Variants in BMP6 observed in about 807,000 individuals in gnomAD.
BMP6 encodes the protein bone morphogenetic protein 6.
Under a neutral mutation model 54.1 loss-of-function variants are expected in BMP6, and 17 were observed. That is an observed-to-expected ratio of 0.31 (90% CI 0.22 to 0.47). The LOEUF is 0.47. BMP6 is among the 20% of genes least tolerant of loss of function. The pLI is 1.00. For missense variants in BMP6, 720 were observed against 690.4 expected, an observed-to-expected ratio of 1.04 and a Z score of -0.48; for synonymous variants, 328 against 291.2, an observed-to-expected ratio of 1.13 and a Z score of -1.28.
At chr6:7,870,941 T>C (rs1759514562) in intron 4 of BMP6, among the ~76,000 whole-genome samples, 1 of 152,204 alleles carries the variant, frequency 6.6e-6, no homozygotes, top group Admixed American at 6.5e-5. Context: ...TCTTGGATCT[T>C]TAGAGTTCAT....
At chr6:7,747,434 G>T (rs919568541) in intron 1 of BMP6, among the ~76,000 whole-genome samples, 1 of 152,164 alleles carries the variant, frequency 6.6e-6, no homozygotes, top group Admixed American at 6.5e-5. Flanking sequence ...TGGAGGAAGG[G>T]GTCCCCAGGC....
intron 1 of BMP6, among the ~76,000 whole-genome samples, chr6:7,811,210 G>A (rs536899977): frequency 2.0e-5 from 3 of 152,330 alleles, no homozygotes; most frequent in East Asian, 3.9e-4. Flanking sequence ...GTCACAGGCT[G>A]CTGACACCTC....
intron 1 of BMP6, among the ~76,000 whole-genome samples, chr6:7,740,466 TA>T (rs1191754887): frequency 6.6e-6 from 1 of 152,140 alleles, no homozygotes; most frequent in Non-Finnish European, 1.5e-5. Context: ...AAACCCAAAA[TA>T]TGTTCAAAAT....
intron 1 of BMP6, among the ~76,000 whole-genome samples, chr6:7,825,480 G>A (rs1356746338): frequency 6.6e-6 from 1 of 152,058 alleles, no homozygotes; most frequent in Non-Finnish European, 1.5e-5. Context: ...CAGCACTTTG[G>A]GAGGCTGAGG....
intron 4 of BMP6, among the ~76,000 whole-genome samples, chr6:7,875,224 AAG>A (rs1759594410): frequency 6.6e-6 from 1 of 152,108 alleles, no homozygotes; most frequent in South Asian, 2.1e-4. Context: ...AGCTCGATAA[AAG>A]AGAATTTGCC....
At chr6:7,769,019 C>A (rs1035423589) in intron 1 of BMP6, among the ~76,000 whole-genome samples, 1 of 152,174 alleles carries the variant, frequency 6.6e-6, no homozygotes, top group African/African-American at 2.4e-5. Flanking sequence ...GCTTTACTGA[C>A]TAGATACAAC....
chr6:7,750,156 A>G lies in BMP6; in HGVS notation c.664+22537A>G, dbSNP rs754869878. Reference sequence around the variant, plus strand: ...ATCAACATTGAAACATTCAACGTCAACATTTGAGCGTGCTAGCTCAAACAT... The same window carrying G: ...ATCAACATTGAAACATTCAACGTCAGCATTTGAGCGTGCTAGCTCAAACAT... On this transcript the variant is annotated intron_variant, in intron 1 of 6. Transcript: ENST00000283147. Among the ~76,000 whole-genome samples the G allele has an allele frequency of 9.9e-5, 15 of 152,230 alleles. No individual in the cohort carries two copies. The East Asian group carries it at 1.2e-3, about 12-fold the overall frequency.
chr6:7,769,282 G>A (rs532064285), intron 1 of BMP6, among the ~76,000 whole-genome samples: 2 of 152,204 alleles, frequency 1.3e-5, no homozygotes, highest in African/African-American at 4.8e-5. Context: ...CCTGAGAATT[G>A]TTTCAGCCAG....
chr6:7,849,878 A>G (rs1749797274), intron 2 of BMP6, among the ~76,000 whole-genome samples: 1 of 152,158 alleles, frequency 6.6e-6, no homozygotes, highest in Non-Finnish European at 1.5e-5. Flanking sequence ...GTGTATGATA[A>G]CTTTTCTTCT....
chr6:7,805,743 A>G (rs1294961778), intron 1 of BMP6, among the ~76,000 whole-genome samples: 2 of 152,258 alleles, frequency 1.3e-5, no homozygotes, highest in Non-Finnish European at 2.9e-5. Flanking sequence ...AGAGCCATGT[A>G]AGGCAAAATA....
intron 4 of BMP6, 94 bp from the exon 5 acceptor site, chr6:7,878,978 GCA>G: frequency 1.6e-6 from 2 of 1,259,410 alleles, no homozygotes; most frequent in South Asian, 1.2e-5. Context: ...CCTGAGCCTA[GCA>G]CAGAGCCTGG....
rs550591804 is a variant in BMP6, at chr6:7,781,606, C to T, written c.664+53987C>T. ...CTCCATTCATTCATTGTTTCATCCC[C>T]GTGTTCACTGAGTGCCTATTGAGTG... is the stretch of plus-strand genomic sequence containing the variant. On this transcript the variant is annotated intron_variant, in intron 1 of 6. Coordinates refer to ENST00000283147, the MANE Select transcript of BMP6 (RefSeq NM_001718.6). 2.6e-5 allele frequency among the ~76,000 whole-genome samples: 4 copies of T among 151,622 alleles called. 2 individuals are homozygous for T. Among genetic ancestry groups the T allele is most frequent in the Non-Finnish European group, 5.9e-5 (4 of 67,660 alleles).
chr6:7,847,285 G>C (rs1230495251), intron 2 of BMP6, among the ~76,000 whole-genome samples: 2 of 152,208 alleles, frequency 1.3e-5, no homozygotes, highest in Admixed American at 1.3e-4. Context: ...TAGGAAAGGG[G>C]AAATTCTGGG....
At chr6:7,750,589 A>G (rs916392112) in intron 1 of BMP6, among the ~76,000 whole-genome samples, 2 of 152,206 alleles carry the variant, frequency 1.3e-5, no homozygotes, top group Non-Finnish European at 2.9e-5. Flanking sequence ...TAAATGACCT[A>G]TATAAATATA....
chr6:7,862,137 C>A (rs1231554346), intron 3 of BMP6, among the ~76,000 whole-genome samples, 164 bp from the exon 4 acceptor site: 1 of 152,206 alleles, frequency 6.6e-6, no homozygotes, highest in Non-Finnish European at 1.5e-5. Context: ...CAAAAGATGC[C>A]ATCCCATGGG....
At chr6:7,853,907 G>GAA (rs11378183) in intron 2 of BMP6, among the ~76,000 whole-genome samples, 125 of 148,316 alleles carry the variant, frequency 8.4e-4, no homozygotes, top group African/African-American at 2.0e-3. Context: ...TACTTGGGGA[G>GAA]AAAAAAAAAA....
chr6:7,729,431 G>T (rs1191186877), intron 1 of BMP6, among the ~76,000 whole-genome samples: 2 of 151,918 alleles, frequency 1.3e-5, no homozygotes, highest in Non-Finnish European at 2.9e-5. Flanking sequence ...GGCGCTCCTG[G>T]CTACTTCACA....
In BMP6 at chr6:7,739,108, A is replaced by G. The variant is rs1413368867; in HGVS notation, c.664+11489A>G. On this transcript the variant is annotated intron_variant, in intron 1 of 6. Transcript: ENST00000283147. ...CTTTCCACATTGATTTTGGGAAATA[A>G]TAATAAAAATAGGCAGACTTCTTTT... Among the ~76,000 whole-genome samples, 4 of 152,342 alleles carry G rather than the reference A, an allele frequency of 2.6e-5. No homozygotes were observed. In the East Asian group the frequency reaches 7.7e-4, roughly 29 times the overall value.
intron 4 of BMP6, among the ~76,000 whole-genome samples, chr6:7,871,582 T>A (rs1217197944): frequency 2.6e-5 from 4 of 152,192 alleles, no homozygotes; most frequent in African/African-American, 9.7e-5. Context: ...TGGGGCCTTG[T>A]CTTGAGGGGG....
Sources: gnomAD v4.1 joint callset for allele counts (sites outside exome capture counted in the v4.1 genomes callset) on GRCh38, gnomAD v4.1.1 for gene constraint, MANE v1.5 for transcripts, NCBI Gene and HGNC (gene_info 2026-07-23, HGNC 2026-07-21) for gene names.